The following PRICKLE1 variants were observed in gnomAD, a reference collection of about 807,000 sequenced individuals.
PRICKLE1 encodes prickle planar cell polarity protein 1, also known as prickle-like protein 1.
PRICKLE1 carries 14 observed loss-of-function variants against 70.2 expected under a neutral mutation model. The observed-to-expected ratio is 0.20, with a 90% CI of 0.13 to 0.31. The LOEUF (loss-of-function observed/expected upper bound fraction) is 0.31. Among genes scored for constraint, PRICKLE1 ranks in the 10% least tolerant of loss-of-function variants. The probability of loss-of-function intolerance (pLI) is 1.00; values close to 1 mark genes in which losing one functional copy is unlikely to be tolerated. For synonymous variants in PRICKLE1, 357 were observed against 379.9 expected (o/e 0.94, Z 0.70); for missense variants, 821 against 1,026.2 (o/e 0.80, Z 2.73).
rs573614680 is a variant in PRICKLE1 at position 42,546,026 on chromosome 12, TA to T, written c.-49+43438del. 4.0e-3 allele frequency among the ~76,000 whole-genome samples: 614 copies of T among 151,952 alleles called. 3 individuals carry two copies. Among genetic ancestry groups the T allele is most frequent in the Non-Finnish European group, 6.7e-3 (455 of 67,962 alleles). On this transcript the variant is annotated intron_variant, in intron 1 of 7. Transcript: ENST00000345127. ...AGCAATAGAGAAAAGAATTTAGATGTAAAAAAGCAATCTTTCATAAACACTG... is the reference window on the plus strand; with the variant it reads ...AGCAATAGAGAAAAGAATTTAGATGTAAAAAGCAATCTTTCATAAACACTG...
At chr12:42,519,057 A>G (rs1180207470) in intron 1 of PRICKLE1, among the ~76,000 whole-genome samples, 4 of 152,096 alleles carry the variant, frequency 2.6e-5, no homozygotes, top group Non-Finnish European at 5.9e-5. Context: ...TTGGCACATG[A>G]CCCTCAAGTA....
chr12:42,564,631 T>C (rs543011663), intron 1 of PRICKLE1, among the ~76,000 whole-genome samples: 1 of 152,202 alleles, frequency 6.6e-6, no homozygotes, highest in South Asian at 2.1e-4. Context: ...AGAAAAGAAA[T>C]CTTTCTTGAG....
chr12:42,522,388 C>T (rs1419032243), intron 1 of PRICKLE1, among the ~76,000 whole-genome samples: 1 of 152,178 alleles, frequency 6.6e-6, no homozygotes, highest in Admixed American at 6.5e-5. Context: ...AGGCACACAT[C>T]ATGCTTGTCT....
At chr12:42,555,424 A>G (rs973637409) in intron 1 of PRICKLE1, among the ~76,000 whole-genome samples, 1 of 152,230 alleles carries the variant, frequency 6.6e-6, no homozygotes, top group Admixed American at 6.5e-5. Flanking sequence ...GCGAAAAACA[A>G]TAATCTTTAT....
At chr12:42,482,751 T>C (rs910745179) in intron 1 of PRICKLE1, 1 of 152,282 alleles carries the variant, frequency 6.6e-6, no homozygotes, top group African/African-American at 2.4e-5. Context: ...AAAATGGGGC[T>C]GGAGGAAGCG....
At chr12:42,463,412 A>T (rs1290359611) in intron 7 of PRICKLE1, among the ~76,000 whole-genome samples, 3 of 151,260 alleles carry the variant, frequency 2.0e-5, no homozygotes, top group Non-Finnish European at 4.4e-5. Context: ...ATTCAGGAAG[A>T]TGTTTAAAAA....
At chr12:42,499,198 T>C (rs1939261476) in intron 1 of PRICKLE1, among the ~76,000 whole-genome samples, 1 of 152,136 alleles carries the variant, frequency 6.6e-6, no homozygotes, top group Non-Finnish European at 1.5e-5. Flanking sequence ...ATAAGGTGGA[T>C]CTTATTTTCC....
intron 2 of PRICKLE1, among the ~76,000 whole-genome samples, chr12:42,470,663 T>C (rs1834298121): frequency 6.6e-6 from 1 of 152,260 alleles, no homozygotes; most frequent in Middle Eastern, 3.4e-3. Context: ...CCCAGCACTC[T>C]GGGAGGCTGA....
Position 42,555,163 on chromosome 12 carries a change from G to C in PRICKLE1, c.-49+34302C>G, listed in dbSNP as rs74659024. On this transcript the variant is annotated intron_variant, in intron 1 of 7. Coordinates refer to ENST00000345127, the MANE Select transcript of PRICKLE1 (RefSeq NM_153026.3). ...ACTAAAAATACAAAAAATTAGCCAG[G>C]TATGGTGGTGCACGCCTGTAATCCC... Among the ~76,000 whole-genome samples the C allele has an allele frequency of 9.9e-4, 150 of 152,204 alleles. No homozygotes were observed. In the East Asian group the frequency reaches 0.017, roughly 17 times the overall value.
rs1439559141 is a variant in PRICKLE1, at chr12:42,460,354, G to C, written c.1951C>G (p.Pro651Ala). ...CGTCTCCGAGTCCTTTCACTCATCG[G>C]AGGCTGCCGGATTTCAATGTCATAG... Reference protein sequence around the residue: ...GNYDIEIRQPPMSERTRRRVY... With the variant: ...GNYDIEIRQPAMSERTRRRVY... The change falls in exon 8 of 8, where the codon CCG (proline) becomes GCG (alanine). Residue 651 changes from proline (P) to alanine (A), a missense_variant. Physicochemically the swap from Pro to Ala is conservative, Grantham distance 27. Coordinates refer to ENST00000345127, the MANE Select transcript of PRICKLE1 (RefSeq NM_153026.3). 1.2e-6 allele frequency: 2 copies of C among 1,613,978 alleles called. No homozygotes were observed.
At chr12:42,585,556 G>C (rs1165013985) in intron 1 of PRICKLE1, among the ~76,000 whole-genome samples, 1 of 151,976 alleles carries the variant, frequency 6.6e-6, no homozygotes, top group Non-Finnish European at 1.5e-5. Context: ...GTGTCATTCT[G>C]GCATACAGAA....
chr12:42,495,610 A>C (rs1419833790), intron 1 of PRICKLE1, among the ~76,000 whole-genome samples: 3 of 148,786 alleles, frequency 2.0e-5, no homozygotes, highest in African/African-American at 4.9e-5. Flanking sequence ...TTTCTTTTTT[A>C]GATGGAGTCT....
chr12:42,504,765 T>A (rs1939376323), intron 1 of PRICKLE1, among the ~76,000 whole-genome samples: 1 of 152,214 alleles, frequency 6.6e-6, no homozygotes, highest in Non-Finnish European at 1.5e-5. Context: ...CATTCCTGTC[T>A]CTGCTAATTT....
chr12:42,474,215 T>A (rs1214760024), intron 1 of PRICKLE1, among the ~76,000 whole-genome samples: 2 of 152,158 alleles, frequency 1.3e-5, no homozygotes, highest in African/African-American at 4.8e-5. Context: ...GAGGTTGCAG[T>A]GAGCTGAGAT....
chr12:42,474,236 G>T (rs1343799286), intron 1 of PRICKLE1, among the ~76,000 whole-genome samples: 3 of 152,044 alleles, frequency 2.0e-5, no homozygotes, highest in African/African-American at 4.8e-5. Flanking sequence ...TGCACCCCTG[G>T]ACTCCAGCCT....
intron 1 of PRICKLE1, among the ~76,000 whole-genome samples, chr12:42,516,747 G>A (rs530438517): frequency 1.4e-4 from 21 of 152,256 alleles, no homozygotes; most frequent in African/African-American, 5.1e-4. Context: ...AGATGATCTA[G>A]GTTGGGCCGT....
At chr12:42,577,298 A>AT (rs369780531) in intron 1 of PRICKLE1, among the ~76,000 whole-genome samples, 67 of 146,538 alleles carry the variant, frequency 4.6e-4, no homozygotes, top group South Asian at 3.0e-3. Flanking sequence ...ATATCACTGC[A>AT]TTTTTTTTTT....
chr12:42,588,601 A>C (rs1016878093), intron 1 of PRICKLE1, among the ~76,000 whole-genome samples: 1 of 151,678 alleles, frequency 6.6e-6, no homozygotes, highest in Non-Finnish European at 1.5e-5. Context: ...TTTAAAAATC[A>C]GCAACCAAAC....
intron 4 of PRICKLE1, 56 bp downstream of exon 4, chr12:42,469,394 G>A: frequency 1.9e-6 from 3 of 1,608,794 alleles, no homozygotes; most frequent in Non-Finnish European, 2.5e-6. Flanking sequence ...ACCCCCGACT[G>A]TCCACCCCAT....
Sources: allele counts gnomAD v4.1 joint callset (sites outside exome capture counted in the v4.1 genomes callset), GRCh38; gene constraint gnomAD v4.1.1; transcripts MANE v1.5; gene names NCBI Gene and HGNC (gene_info 2026-07-23, HGNC 2026-07-21).